Variants in NFIB observed in about 807,000 individuals in gnomAD.
NFIB encodes nuclear factor 1 B-type.
Under a neutral mutation model 61.5 loss-of-function variants are expected in NFIB, and 11 were observed. That is an observed-to-expected ratio of 0.18 (90% confidence interval 0.11 to 0.30). The LOEUF (loss-of-function observed/expected upper bound fraction) is 0.30. Ranked by LOEUF, NFIB falls within the 10% of genes least tolerant of loss-of-function variation. The pLI, the probability that NFIB is intolerant of heterozygous loss-of-function variation, is 1.00. For synonymous variants in NFIB, 260 were observed against 216.5 expected (o/e 1.20, Z -1.76); for missense variants, 471 against 608.9 (o/e 0.77, Z 2.38).
chr9:14,376,799 T>A (rs552700441), intron 1 of NFIB, among the ~76,000 whole-genome samples: 1 of 152,150 alleles, frequency 6.6e-6, no homozygotes, highest in East Asian at 1.9e-4. Context: ...ATTACAGGCA[T>A]GAGCCACTGC....
chr9:14,088,070 G>A lies in NFIB; in HGVS notation c.*239C>T. On this transcript the variant is annotated 3_prime_UTR_variant, in exon 11 of 11. Transcript: ENST00000380953. ...GTGATTGTAAGTGCTGCAATTGCTG[G>A]TCTATTATCTTCTTTCTTCAGTTTC... The A allele has an allele frequency of 1.2e-6, 1 of 826,710 alleles. No homozygotes were observed. 51.2% of individuals were successfully genotyped at this position (826,710 alleles called of 1,614,324 possible).
intron 8 of NFIB, among the ~76,000 whole-genome samples, chr9:14,116,771 G>C (rs992459471): frequency 6.6e-6 from 1 of 152,156 alleles, no homozygotes; most frequent in Non-Finnish European, 1.5e-5. Flanking sequence ...TTGGCTTTTA[G>C]AACACAATTT....
At chr9:14,317,528 A>C (rs2060569682), upstream of NFIB, among the ~76,000 whole-genome samples, 1 of 152,206 alleles carries the variant, frequency 6.6e-6, no homozygotes, top group Non-Finnish European at 1.5e-5. Context: ...ATGAGATAGG[A>C]GTATGGTGAG....
At chr9:14,495,445 A>ATT in the NFIB span, among the ~76,000 whole-genome samples, 17 of 98,136 alleles carry the variant, frequency 1.7e-4, no homozygotes, top group Admixed American at 5.2e-4. Context: ...AGAGAAATGA[A>ATT]CTTTTTTTTT....
chr9:14,239,539 G>A (rs1274095142), intron 2 of NFIB, among the ~76,000 whole-genome samples: 2 of 151,796 alleles, frequency 1.3e-5, no homozygotes, highest in African/African-American at 4.8e-5. Flanking sequence ...TATCTATGAA[G>A]GAAAACAGAA....
At chr9:14,116,368 C>G in intron 8 of NFIB, 22 bp from the exon 9 acceptor site, 1 of 1,473,334 alleles carries the variant, frequency 6.8e-7, no homozygotes, top group South Asian at 1.4e-5. Context: ...AAACAGAATG[C>G]CGGGTGAAGC....
chr9:14,470,785 AG>A, the NFIB span, among the ~76,000 whole-genome samples: 5 of 152,326 alleles, frequency 3.3e-5, no homozygotes, highest in Admixed American at 2.0e-4. Flanking sequence ...CTGGACAAAG[AG>A]CCAGGGGAAC....
intron 2 of NFIB, among the ~76,000 whole-genome samples, chr9:14,292,300 A>G (rs1044966966): frequency 6.6e-6 from 1 of 152,314 alleles, no homozygotes; most frequent in South Asian, 2.1e-4. Flanking sequence ...CTAAAATTCT[A>G]CAAGTTAAAG....
At chr9:14,217,896 A>G (rs79889974) in intron 2 of NFIB, among the ~76,000 whole-genome samples, 5,879 of 152,250 alleles carry the variant, frequency 0.039, 376 homozygotes, top group African/African-American at 0.13. Context: ...ATAGGTAAGT[A>G]AATCTGGGTT....
chr9:14,207,784 TC>T (rs1432556192), intron 2 of NFIB, among the ~76,000 whole-genome samples: 9 of 152,158 alleles, frequency 5.9e-5, no homozygotes, highest in African/African-American at 2.2e-4. Context: ...TAACCAGAGT[TC>T]AAGGTCTGAT....
At chr9:14,131,109 A>AT (rs920336652) in intron 6 of NFIB, among the ~76,000 whole-genome samples, 1 of 152,166 alleles carries the variant, frequency 6.6e-6, no homozygotes, top group South Asian at 2.1e-4. Flanking sequence ...AGAGAGAATA[A>AT]TTTTTTTAAA....
At chr9:14,126,586 C>T (rs1342281796) in intron 6 of NFIB, among the ~76,000 whole-genome samples, 2 of 152,258 alleles carry the variant, frequency 1.3e-5, no homozygotes, top group African/African-American at 4.8e-5. Context: ...AAAGATGGCA[C>T]AGAATACACA....
chr9:14,485,739 G>A, the NFIB span, among the ~76,000 whole-genome samples: 1 of 152,160 alleles, frequency 6.6e-6, no homozygotes, highest in Non-Finnish European at 1.5e-5. Context: ...GTCGGGTGTT[G>A]TGGTGGGCGC....
chr9:14,415,550 G>A, the NFIB span, among the ~76,000 whole-genome samples: 1 of 152,144 alleles, frequency 6.6e-6, no homozygotes, highest in Non-Finnish European at 1.5e-5. Context: ...GTCACCAAGA[G>A]GAAAAGGCAT....
At chr9:14,341,792 G>T (rs1401177865) in intron 1 of NFIB, among the ~76,000 whole-genome samples, 3 of 152,086 alleles carry the variant, frequency 2.0e-5, no homozygotes, top group Non-Finnish European at 4.4e-5. Flanking sequence ...TTCTGCTTCT[G>T]GGGAAGACAA....
the NFIB span, chr9:14,531,842 C>G: frequency 6.6e-6 from 1 of 152,084 alleles, no homozygotes; most frequent in Non-Finnish European, 1.5e-5. Context: ...CCACAGGCAG[C>G]GAACTTTATA....
intron 6 of NFIB, among the ~76,000 whole-genome samples, chr9:14,144,674 T>C (rs1466242636): frequency 6.6e-6 from 1 of 152,116 alleles, no homozygotes; most frequent in Non-Finnish European, 1.5e-5. Context: ...ATCCCATAAA[T>C]AGCTATATGA....
chr9:14,434,692 G>A, the NFIB span, among the ~76,000 whole-genome samples: 1 of 152,158 alleles, frequency 6.6e-6, no homozygotes. Flanking sequence ...CAAAGAAACT[G>A]GAGTGTTCTA....
At chr9:14,207,097 C>G (rs570495516) in intron 2 of NFIB, among the ~76,000 whole-genome samples, 96 of 152,218 alleles carry the variant, frequency 6.3e-4, no homozygotes, top group African/African-American at 2.2e-3. Context: ...TTACGGTATC[C>G]ATAGATTTCG....
Sources: gnomAD v4.1 joint callset for allele counts (sites outside exome capture counted in the v4.1 genomes callset) on GRCh38, gnomAD v4.1.1 for gene constraint, MANE v1.5 for transcripts, NCBI Gene and HGNC (gene_info 2026-07-23, HGNC 2026-07-21) for gene names.